GM2A: variants seen among roughly 807,000 people sequenced by gnomAD.
The protein encoded by GM2A is GM2 ganglioside activator.
In GM2A, 7 loss-of-function variants were observed where a neutral mutation model predicts 12.9. The ratio of observed to expected loss-of-function variants is 0.54; its 90% CI spans 0.31 to 1.02. The LOEUF (loss-of-function observed/expected upper bound fraction) is 1.02. GM2A is among the 50% of genes least tolerant of loss of function. The pLI, the probability that GM2A is intolerant of heterozygous loss-of-function variation, is 0.05. For synonymous variants in GM2A, 101 were observed against 96.0 expected (o/e 1.05, Z -0.30); for missense variants, 246 against 241.0 (o/e 1.02, Z -0.14).
Position 151,268,055 on chromosome 5 carries a change from T to C in GM2A, c.*604T>C. 9.9e-7 allele frequency: 1 copy of C among 1,006,250 alleles called. No homozygotes were observed. The highest frequency in any genetic ancestry group is 1.2e-6 in the Non-Finnish European group (1 of 841,738). 62.3% of individuals were successfully genotyped at this position (1,006,250 alleles called of 1,614,324 possible). A position where few individuals can be genotyped will look rare whatever the true frequency, so the allele number is the denominator to read the frequency against. ...CCCTTGGGGGAGATATTAGGAGTGC[T>C]CTGTTGTTTACAAACTCAGGTACCC... On this transcript the variant is annotated 3_prime_UTR_variant, in exon 4 of 4. Transcript: ENST00000357164.
At chr5:151,259,414 G>A (rs1753750820) in intron 1 of GM2A, among the ~76,000 whole-genome samples, 1 of 152,138 alleles carries the variant, frequency 6.6e-6, no homozygotes, top group Admixed American at 6.5e-5. Flanking sequence ...GAGAGGAGTG[G>A]GCAGCAGGGA....
chr5:151,255,114 C>A (rs1361187881), intron 1 of GM2A, among the ~76,000 whole-genome samples: 1 of 152,122 alleles, frequency 6.6e-6, no homozygotes, highest in Non-Finnish European at 1.5e-5. Flanking sequence ...CCAGCCTGGG[C>A]AACATGGTGA....
Position 151,269,587 on chromosome 5 carries a change from C to CA in GM2A, c.*2140dup. 1 of 296,544 alleles carries CA rather than the reference C, an allele frequency of 3.4e-6. No homozygotes were observed. Among genetic ancestry groups the CA allele is most frequent in the East Asian group, 1.7e-4 (1 of 5,814 alleles). The allele number at this position is 296,544 out of a possible 1,614,324, so 18.4% of individuals were successfully genotyped here. A position where few individuals can be genotyped will look rare whatever the true frequency, so the allele number is the denominator to read the frequency against. On this transcript the variant is annotated 3_prime_UTR_variant, in exon 4 of 4. Coordinates refer to ENST00000357164, the MANE Select transcript of GM2A (RefSeq NM_000405.5). Reference sequence around the variant, plus strand: ...TGGTGACTATCAGGCCATGCAGAGGCAAAACGCCTTATTTGGGGAAAATTA... The same window carrying CA: ...TGGTGACTATCAGGCCATGCAGAGGCAAAAACGCCTTATTTGGGGAAAATTA...
At position 151,269,239 on chromosome 5, in the gene GM2A, G is replaced by T. The variant is rs1398127536; in HGVS notation, c.*1788G>T. ...ATAGCAATAAATCTTTTTAACTTGC[G>T]GACAGTTTCCCCTTGCCTTGGCTGC... On this transcript the variant is annotated 3_prime_UTR_variant, in exon 4 of 4. Transcript: ENST00000357164. 1 of 985,400 alleles carries T rather than the reference G, an allele frequency of 1.0e-6. No individual in the cohort carries two copies. The highest frequency in any genetic ancestry group is 4.7e-5 in the South Asian group (1 of 21,286). The allele number at this position is 985,400 out of a possible 1,614,324, so 61.0% of individuals were successfully genotyped here.
intron 1 of GM2A, among the ~76,000 whole-genome samples, chr5:151,256,375 A>T (rs1311345543): frequency 6.6e-6 from 1 of 152,114 alleles, no homozygotes; most frequent in Admixed American, 6.5e-5. Context: ...AAGGCAGGCA[A>T]ATCACTTGAG....
intron 1 of GM2A, among the ~76,000 whole-genome samples, chr5:151,257,324 A>G (rs1354857780): frequency 6.6e-6 from 1 of 152,104 alleles, no homozygotes; most frequent in Non-Finnish European, 1.5e-5. Context: ...TCAGGAAGCC[A>G]TCTTGTTACG....
chr5:151,257,809 C>G (rs1252378763), intron 1 of GM2A, among the ~76,000 whole-genome samples: 1 of 152,240 alleles, frequency 6.6e-6, no homozygotes, highest in Non-Finnish European at 1.5e-5. Context: ...CCTGCACTTA[C>G]ATGTCTGACT....
intron 2 of GM2A, among the ~76,000 whole-genome samples, chr5:151,266,278 A>G (rs982536191): frequency 3.3e-5 from 5 of 152,164 alleles, no homozygotes; most frequent in African/African-American, 9.7e-5. Flanking sequence ...CAGGAGTTCC[A>G]GACCAGCCTG....
Position 151,268,154 on chromosome 5 carries a change from T to G in GM2A, c.*703T>G, listed in dbSNP as rs1468402939. On this transcript the variant is annotated 3_prime_UTR_variant, in exon 4 of 4. Transcript: ENST00000357164. ...ATGTTGCTTCCAGGCTTGATTTCGA[T>G]TTTTCGCTTTTTTTTTTTTTGAGAC... 3 of 928,844 alleles carry G rather than the reference T, an allele frequency of 3.2e-6. No individual in the cohort carries two copies. The highest frequency in any genetic ancestry group is 3.7e-6 in the Non-Finnish European group (3 of 814,360). 57.5% of individuals were successfully genotyped at this position (928,844 alleles called of 1,614,324 possible).
chr5:151,253,265 C>G lies in GM2A; in HGVS notation c.49C>G (p.Leu17Val). ...CCTCCTGATCGCCCTGGGCTTGCTT[C>G]TCGCGGCCCCTGCGCAAGCCCACCT... ...APLLIALGLL[L>V]AAPAQAHLKK... The change falls in exon 1 of 4, where the codon CTC (leucine) becomes GTC (valine). Residue 17 changes from leucine to valine, a missense_variant. By Grantham distance (32) the Leu-to-Val change is conservative. Coordinates refer to ENST00000357164, the MANE Select transcript of GM2A (RefSeq NM_000405.5). 6.2e-6 allele frequency: 10 copies of G among 1,613,900 alleles called. No individual in the cohort carries two copies. Among genetic ancestry groups the G allele is most frequent in the Non-Finnish European group, 8.5e-6 (10 of 1,179,856 alleles).
Position 151,268,452 on chromosome 5 carries a change from GA to G in GM2A, c.*1002del. ...CAGGCATGAGCCACTACACCCAGCC[GA>G]TTTTTCCTTTTTGATTAAAGATGCT... On this transcript the variant is annotated 3_prime_UTR_variant, in exon 4 of 4. Coordinates refer to ENST00000357164, the MANE Select transcript of GM2A (RefSeq NM_000405.5). 1.0e-6 allele frequency: 1 copy of G among 985,178 alleles called. No individual in the cohort carries two copies. The highest frequency in any genetic ancestry group is 1.2e-6 in the Non-Finnish European group (1 of 829,780). The allele number at this position is 985,178 out of a possible 1,614,324, so 61.0% of individuals were successfully genotyped here. A position where few individuals can be genotyped will look rare whatever the true frequency, so the allele number is the denominator to read the frequency against.
chr5:151,256,492 C>A (rs1267658962), intron 1 of GM2A, among the ~76,000 whole-genome samples: 1 of 151,710 alleles, frequency 6.6e-6, no homozygotes, highest in Non-Finnish European at 1.5e-5. Context: ...GTAGTCCCAG[C>A]TACTTGGGAG....
chr5:151,253,318 G>A, intron 1 of GM2A, 21 bp downstream of exon 1: 1 of 1,581,306 alleles, frequency 6.3e-7, no homozygotes, highest in Non-Finnish European at 8.7e-7. Flanking sequence ...CCTCTTTTAA[G>A]AGTCTGTTTG....
At chr5:151,266,016 G>T (rs1201196181) in intron 2 of GM2A, among the ~76,000 whole-genome samples, 3 of 152,188 alleles carry the variant, frequency 2.0e-5, no homozygotes, top group Admixed American at 6.5e-5. Flanking sequence ...CTCATCAGTT[G>T]GTAGTAACTA....
chr5:151,266,397 C>T (rs1054517033), intron 2 of GM2A, among the ~76,000 whole-genome samples: 6 of 145,542 alleles, frequency 4.1e-5, no homozygotes, highest in African/African-American at 1.0e-4. Context: ...GCAGGAGGAT[C>T]GTCTGAGCCC....
In GM2A at chr5:151,259,810, C is replaced by T. The variant is rs761268810; in HGVS notation, c.137C>T (p.Ala46Val). Residue 46 changes from alanine to valine, a missense_variant, in exon 2 of 4, where the codon GCG (alanine) becomes GTG (valine). Transcript: ENST00000357164. ...AACTGTGATGAAGGGAAGGACCCTG[C>T]GGTGATCAGAAGCCTGACTCTGGAG... is the stretch of plus-strand genomic sequence containing the variant. The part of the protein sequence containing the change: ...WDNCDEGKDP[A>V]VIRSLTLEPD... The T allele has an allele frequency of 6.8e-6, 11 of 1,613,020 alleles. No individual in the cohort carries two copies. The highest frequency in any genetic ancestry group is 5.0e-5 in the Admixed American group (3 of 60,008).
chr5:151,267,877 C>T lies in GM2A; in HGVS notation c.*426C>T, dbSNP rs370699960. On this transcript the variant is annotated 3_prime_UTR_variant, in exon 4 of 4. Coordinates refer to ENST00000357164, the MANE Select transcript of GM2A (RefSeq NM_000405.5). ...GAGTATTAACGTTTTTGTTCTCCTC[C>T]GGCCCCCTGTTACAATGAAGGGGCA... 89 of 1,151,056 alleles carry T rather than the reference C, an allele frequency of 7.7e-5. No homozygotes were observed. In the East Asian group the frequency reaches 1.8e-3, roughly 23 times the overall value. The allele number at this position is 1,151,056 out of a possible 1,614,324, so 71.3% of individuals were successfully genotyped here.
At chr5:151,253,322 CTGTT>C (rs781089525) in intron 1 of GM2A, 25 bp downstream of exon 1, 27 of 1,554,970 alleles carry the variant, frequency 1.7e-5, no homozygotes, top group Non-Finnish European at 2.2e-5. Context: ...TTTTAAGAGT[CTGTT>C]TGCAGCCTCC....
chr5:151,263,090 T>TTTTTTTC (rs1753826942), intron 2 of GM2A, among the ~76,000 whole-genome samples: 1 of 96,866 alleles, frequency 1.0e-5, no homozygotes. Flanking sequence ...CCCCAATTTC[T>TTTTTTTC]TTTTTTTTTT....
Sources: allele counts gnomAD v4.1 joint callset (sites outside exome capture counted in the v4.1 genomes callset), GRCh38; gene constraint gnomAD v4.1.1; transcripts MANE v1.5; gene names NCBI Gene and HGNC (gene_info 2026-07-23, HGNC 2026-07-21).